NEK1: variants seen among roughly 807,000 people sequenced by gnomAD.
NEK1 encodes the protein NIMA related kinase 1.
In NEK1, 137 loss-of-function variants were observed where a neutral mutation model predicts 182.1. That is an observed-to-expected ratio of 0.75 (90% CI 0.65 to 0.87). NEK1 has a LOEUF of 0.87. Among genes scored for constraint, NEK1 ranks in the 40% least tolerant of loss-of-function variants. NEK1 has a pLI of 0.00. For missense variants in NEK1, 1,391 were observed against 1,494.4 expected (o/e 0.93, Z 1.14); for synonymous variants, 513 against 492.2 (o/e 1.04, Z -0.56).
At chr4:169,507,583 TGGA>T in intron 22 of NEK1, 129 bp downstream of exon 22, 1 of 509,366 alleles carries the variant, frequency 2.0e-6, no homozygotes, top group Non-Finnish European at 3.4e-6. Flanking sequence ...AACCAAAAAG[TGGA>T]GGAGAAAGAT....
At chr4:169,443,884 A>G (rs1053016557) in intron 27 of NEK1, among the ~76,000 whole-genome samples, 1 of 152,194 alleles carries the variant, frequency 6.6e-6, no homozygotes, top group African/African-American at 2.4e-5. Flanking sequence ...AAGTGCTGAG[A>G]AAACAAAAAC....
At chr4:169,525,755 T>C (rs1756804903) in intron 19 of NEK1, among the ~76,000 whole-genome samples, 1 of 152,234 alleles carries the variant, frequency 6.6e-6, no homozygotes, top group South Asian at 2.1e-4. Flanking sequence ...GCCCCCACTT[T>C]GCAATGCTGC....
chr4:169,429,758 T>C (rs1737082525), intron 29 of NEK1, among the ~76,000 whole-genome samples: 1 of 152,178 alleles, frequency 6.6e-6, no homozygotes, highest in Admixed American at 6.5e-5. Context: ...TATCATACTG[T>C]TGTATTTACT....
chr4:169,561,477 T>C lies in NEK1; in HGVS notation c.1266+3A>G. 1 of 1,613,214 alleles carries C rather than the reference T, an allele frequency of 6.2e-7. No individual in the cohort carries two copies. Among genetic ancestry groups the C allele is most frequent in the Non-Finnish European group, 8.5e-7 (1 of 1,179,318 alleles). On this transcript the variant is annotated splice_donor_region_variant and intron_variant, in intron 16 of 35. Transcript: ENST00000507142. Reference sequence around the variant, plus strand: ...TATAACCATATTGGTATAAAATGCCTACCTTTACTTCACCACTTCCACCAG... The same window carrying C: ...TATAACCATATTGGTATAAAATGCCCACCTTTACTTCACCACTTCCACCAG...
At chr4:169,558,168 A>C (rs538837333) in intron 16 of NEK1, among the ~76,000 whole-genome samples, 3 of 152,320 alleles carry the variant, frequency 2.0e-5, no homozygotes, top group East Asian at 3.9e-4. Flanking sequence ...ATATCATCTT[A>C]ACTTGACTGA....
At chr4:169,610,461 G>T (rs1295460767) in intron 2 of NEK1, among the ~76,000 whole-genome samples, 1 of 151,764 alleles carries the variant, frequency 6.6e-6, no homozygotes, top group South Asian at 2.1e-4. Flanking sequence ...TTACAGGCAC[G>T]CACCACCACG....
chr4:169,435,257 C>G (rs562646845), intron 28 of NEK1, among the ~76,000 whole-genome samples: 1 of 152,194 alleles, frequency 6.6e-6, no homozygotes, highest in Admixed American at 6.5e-5. Flanking sequence ...AGAAAGCTCT[C>G]TGGCCTATTC....
chr4:169,440,420 TAA>T (rs148268102), intron 27 of NEK1, among the ~76,000 whole-genome samples: 10,863 of 152,154 alleles, frequency 0.071, 1,263 homozygotes, highest in African/African-American at 0.25. Context: ...ATTAATATAA[TAA>T]AAGAGAAATT....
intron 18 of NEK1, among the ~76,000 whole-genome samples, chr4:169,545,694 A>G (rs1760307644): frequency 6.6e-6 from 1 of 150,988 alleles, no homozygotes; most frequent in African/African-American, 2.4e-5. Context: ...CTATTTCTCC[A>G]CATCCTCTCC....
In NEK1 at chr4:169,563,368, T is replaced by A. The variant is rs535987935; in HGVS notation, c.1021-1172A>T. On this transcript the variant is annotated intron_variant, in intron 12 of 35. Coordinates refer to ENST00000507142, the MANE Select transcript of NEK1 (RefSeq NM_001199397.3). ...CGAGATCCTGTCTCAAAAAAAAAAA[T>A]AAAAATAAAAAAATCAAGTATCTGG... 1.4e-3 allele frequency among the ~76,000 whole-genome samples: 205 copies of A among 150,456 alleles called. 1 individual carries two copies. The highest frequency in any genetic ancestry group is 3.1e-3 in the Admixed American group (47 of 15,184).
intron 31 of NEK1, among the ~76,000 whole-genome samples, chr4:169,408,931 ATGGG>A (rs1733123036): frequency 1.3e-5 from 2 of 152,122 alleles, no homozygotes; most frequent in Non-Finnish European, 2.9e-5. Flanking sequence ...TGCTATAAAC[ATGGG>A]TGTGTGTGTG....
At position 169,586,268 on chromosome 4, in the gene NEK1, C is replaced by T. The variant is rs1026169838; in HGVS notation, c.607-719G>A. Among the ~76,000 whole-genome samples the T allele has an allele frequency of 3.9e-5, 6 of 151,960 alleles. No individual in the cohort carries two copies. The East Asian group carries it at 7.7e-4, about 20-fold the overall frequency. On this transcript the variant is annotated intron_variant, in intron 9 of 35. Coordinates refer to ENST00000507142, the MANE Select transcript of NEK1 (RefSeq NM_001199397.3). ...ACAATGTTGATATCTTCTTAATATA[C>T]ATATTAATAAAATAAAATGTACTAT...
At chr4:169,508,917 A>T in intron 19 of NEK1, 65 bp from the exon 20 acceptor site, 1 of 1,276,588 alleles carries the variant, frequency 7.8e-7, no homozygotes, top group Non-Finnish European at 1.1e-6. Context: ...CTTACCAAGG[A>T]ATATCCAGGT....
intron 18 of NEK1, among the ~76,000 whole-genome samples, chr4:169,552,524 A>T (rs548733939): frequency 2.0e-5 from 3 of 152,286 alleles, no homozygotes; most frequent in East Asian, 3.9e-4. Context: ...TCCGGCCAAC[A>T]TCAGGAACAA....
rs992283479 is a variant in NEK1 at position 169,555,931 on chromosome 4, C to A, written c.1430+1G>T. On this transcript the variant is annotated splice_donor_variant, in intron 17 of 35. Transcript: ENST00000507142. LOFTEE classifies it high-confidence loss of function. ...GCAACTTCTGCAGAACATAGCCATA[C>A]CTTTCTGGAAGACCTCGACCATATA... 4 of 1,613,490 alleles carry A rather than the reference C, an allele frequency of 2.5e-6. No homozygotes were observed. Among genetic ancestry groups the A allele is most frequent in the Non-Finnish European group, 3.4e-6 (4 of 1,179,638 alleles).
At chr4:169,489,358 C>T (rs902202577) in intron 23 of NEK1, among the ~76,000 whole-genome samples, 1 of 152,048 alleles carries the variant, frequency 6.6e-6, no homozygotes, top group Admixed American at 6.5e-5. Flanking sequence ...ATTACAAATG[C>T]CTAATGCTCT....
chr4:169,508,416 G>C, intron 20 of NEK1, 85 bp from the exon 21 acceptor site: 4 of 1,112,278 alleles, frequency 3.6e-6, no homozygotes, highest in Non-Finnish European at 3.8e-6. Flanking sequence ...TAAATTTAAG[G>C]AACAGTGTTA....
chr4:169,422,424 T>G (rs1735646792), intron 31 of NEK1, among the ~76,000 whole-genome samples: 2 of 152,094 alleles, frequency 1.3e-5, no homozygotes, highest in South Asian at 2.1e-4. Context: ...GTGGCAAAAT[T>G]AATGGAGTCA....
rs192138178 is a variant in NEK1, at chr4:169,550,993, C to T, written c.1562+4727G>A. ...TAGCAAGTAGGTAAATTCGCAAATA[C>T]GGAATCCACAATAGTAAAGATTAAC... On this transcript the variant is annotated intron_variant, in intron 18 of 35. Transcript: ENST00000507142. 9.9e-5 allele frequency among the ~76,000 whole-genome samples: 15 copies of T among 152,218 alleles called. No homozygotes were observed. The East Asian group carries it at 1.3e-3, about 14-fold the overall frequency.
Sources: allele counts gnomAD v4.1 joint callset (sites outside exome capture counted in the v4.1 genomes callset), GRCh38; gene constraint gnomAD v4.1.1; transcripts MANE v1.5; gene names NCBI Gene and HGNC (gene_info 2026-07-23, HGNC 2026-07-21).